Variants in CPEB3 observed in about 807,000 individuals in gnomAD.
The protein encoded by CPEB3 is cytoplasmic polyadenylation element binding protein 3, also known as cytoplasmic polyadenylation element-binding protein 3.
A neutral mutation model predicts 67.2 loss-of-function variants in CPEB3; 20 were observed. The observed-to-expected ratio is 0.30, with a 90% CI of 0.21 to 0.43. The LOEUF (loss-of-function observed/expected upper bound fraction) is 0.43. Ranked by LOEUF, CPEB3 falls within the 20% of genes least tolerant of loss-of-function variation. The pLI is 1.00. For missense variants in CPEB3, 746 were observed against 968.6 expected, an observed-to-expected ratio of 0.77 and a Z score of 3.05; for synonymous variants, 376 against 393.1, an observed-to-expected ratio of 0.96 and a Z score of 0.51.
At chr10:92,133,201 A>G (rs1312626009) in intron 6 of CPEB3, among the ~76,000 whole-genome samples, 2 of 152,112 alleles carry the variant, frequency 1.3e-5, no homozygotes, top group East Asian at 1.9e-4. Flanking sequence ...GACACAAAAA[A>G]CCCTTCAAAA....
At chr10:92,192,385 A>G in intron 3 of CPEB3, 92 bp downstream of exon 3, 1 of 1,290,292 alleles carries the variant, frequency 7.8e-7, no homozygotes, top group Non-Finnish European at 1.1e-6. Context: ...AAAACAAGCA[A>G]ACAAAAAACA....
At chr10:92,169,141 G>GT (rs1847888044) in intron 4 of CPEB3, among the ~76,000 whole-genome samples, 1 of 122,794 alleles carries the variant, frequency 8.1e-6, no homozygotes, top group African/African-American at 3.8e-5. Flanking sequence ...AGCAGGTTTT[G>GT]TTGTTTTTTT....
chr10:92,253,409 G>A (rs189732405), intron 1 of CPEB3, among the ~76,000 whole-genome samples: 1,469 of 132,140 alleles, frequency 0.011, 18 homozygotes, highest in African/African-American at 0.041. Flanking sequence ...GCAGTGAGCC[G>A]AGATCGCACC....
chr10:92,095,685 T>C (rs1219079854), intron 7 of CPEB3, among the ~76,000 whole-genome samples: 1 of 150,200 alleles, frequency 6.7e-6, no homozygotes, highest in Non-Finnish European at 1.5e-5. Context: ...TATAAGCTAA[T>C]TCAAATATTT....
chr10:92,236,502 C>A (rs945970659), intron 2 of CPEB3, among the ~76,000 whole-genome samples: 1 of 152,066 alleles, frequency 6.6e-6, no homozygotes, highest in African/African-American at 2.4e-5. Flanking sequence ...AATCCCAGCA[C>A]TTTGGGAGGC....
intron 2 of CPEB3, among the ~76,000 whole-genome samples, chr10:92,195,046 AAC>A (rs371911549): frequency 0.028 from 3,296 of 116,954 alleles, 48 homozygotes; most frequent in East Asian, 0.088. Flanking sequence ...TGTCTCAAAA[AAC>A]ACACACACAC....
chr10:92,197,449 A>G (rs887065940), intron 2 of CPEB3, among the ~76,000 whole-genome samples: 1 of 152,258 alleles, frequency 6.6e-6, no homozygotes, highest in African/African-American at 2.4e-5. Context: ...ATTCAATGAC[A>G]AAAGTTGCAA....
chr10:92,233,690 G>A (rs181528009), intron 2 of CPEB3, among the ~76,000 whole-genome samples: 2 of 152,056 alleles, frequency 1.3e-5, no homozygotes, highest in South Asian at 4.1e-4. Context: ...ATGAATTCAT[G>A]TAAGAAACTT....
intron 6 of CPEB3, among the ~76,000 whole-genome samples, chr10:92,131,675 G>C (rs855699): frequency 0.68 from 103,359 of 152,036 alleles, 36,724 homozygotes; most frequent in African/African-American, 0.89. Context: ...ACTAACTAGG[G>C]CTACAAATAT....
chr10:92,170,518 T>C (rs930729518), intron 4 of CPEB3, among the ~76,000 whole-genome samples: 4 of 152,196 alleles, frequency 2.6e-5, no homozygotes, highest in African/African-American at 7.2e-5. Flanking sequence ...TGCACCCTCA[T>C]ACTTGTGACC....
At chr10:92,291,160 G>C (rs1242146815), upstream of CPEB3, 1 of 435,568 alleles carries the variant, frequency 2.3e-6, no homozygotes, top group Non-Finnish European at 4.1e-6. Context: ...CGGAGGCGGC[G>C]ACTCTTACCT....
At chr10:92,143,320 T>G (rs1482983176) in intron 5 of CPEB3, among the ~76,000 whole-genome samples, 1 of 152,234 alleles carries the variant, frequency 6.6e-6, no homozygotes, top group Non-Finnish European at 1.5e-5. Context: ...TCATGCAAAG[T>G]GTGTTTCTAA....
At chr10:92,057,020 G>GTCGTT (rs1184028274) in intron 9 of CPEB3, among the ~76,000 whole-genome samples, 2 of 152,202 alleles carry the variant, frequency 1.3e-5, no homozygotes, top group East Asian at 3.9e-4. Flanking sequence ...AGTCCTGGCA[G>GTCGTT]CATTCATTAC....
In CPEB3 at chr10:92,240,416, T is replaced by C. The variant is rs12218096; in HGVS notation, c.-11-55A>G. On this transcript the variant is annotated intron_variant, in intron 1 of 9. Coordinates refer to ENST00000265997, the MANE Select transcript of CPEB3 (RefSeq NM_014912.5). ...TTGTCAATGTGATCATGAATGTCCC[T>C]CGCTGAAGCGGGCGGGTGTTTCACT... is the stretch of plus-strand genomic sequence containing the variant. The C allele has an allele frequency of 4.0e-5, 56 of 1,390,604 alleles. No homozygotes were observed. In the East Asian group the frequency reaches 5.3e-4, roughly 13 times the overall value. The allele number at this position is 1,390,604 out of a possible 1,614,324, so 86.1% of individuals were successfully genotyped here.
At chr10:92,261,092 G>GA (rs1023412922) in intron 1 of CPEB3, among the ~76,000 whole-genome samples, 10 of 147,512 alleles carry the variant, frequency 6.8e-5, no homozygotes, top group Admixed American at 6.7e-5. Flanking sequence ...ATCATCAGGG[G>GA]AAAAAAAAAA....
chr10:92,209,920 C>A (rs1465358435), intron 2 of CPEB3, among the ~76,000 whole-genome samples: 2 of 121,892 alleles, frequency 1.6e-5, no homozygotes, highest in Admixed American at 1.1e-4. Flanking sequence ...CCAGCCTGGG[C>A]GACAGAGCTA....
At chr10:92,188,032 C>G (rs1313574195) in intron 3 of CPEB3, among the ~76,000 whole-genome samples, 2 of 151,570 alleles carry the variant, frequency 1.3e-5, no homozygotes, top group African/African-American at 4.8e-5. Flanking sequence ...CTTGTCTCTA[C>G]AGCAAATAGA....
intron 2 of CPEB3, among the ~76,000 whole-genome samples, chr10:92,217,193 C>A (rs1247005587): frequency 9.6e-6 from 1 of 104,290 alleles, no homozygotes; most frequent in South Asian, 3.1e-4. Flanking sequence ...GGCGACACAG[C>A]GAGACTCTGC....
At chr10:92,063,592 C>T (rs1842438637) in intron 9 of CPEB3, among the ~76,000 whole-genome samples, 1 of 152,010 alleles carries the variant, frequency 6.6e-6, no homozygotes, top group African/African-American at 2.4e-5. Context: ...GTGAAACCCC[C>T]GTCTCTACTA....
Sources: gnomAD v4.1 joint callset for allele counts (sites outside exome capture counted in the v4.1 genomes callset) on GRCh38, gnomAD v4.1.1 for gene constraint, MANE v1.5 for transcripts, NCBI Gene and HGNC (gene_info 2026-07-23, HGNC 2026-07-21) for gene names.